OSBPL10: variants seen among roughly 807,000 people sequenced by gnomAD.
OSBPL10 encodes oxysterol binding protein like 10.
OSBPL10 carries 49 observed loss-of-function variants against 81.7 expected under a neutral mutation model. The observed-to-expected ratio is 0.60, with a 90% CI of 0.48 to 0.76. OSBPL10 has a LOEUF of 0.76. Among genes scored for constraint, OSBPL10 ranks in the 30% least tolerant of loss-of-function variants. The probability of loss-of-function intolerance (pLI) is 0.00; values close to 1 mark genes in which losing one functional copy is unlikely to be tolerated. For synonymous variants in OSBPL10, 419 were observed against 383.6 expected (o/e 1.09, Z -1.08); for missense variants, 923 against 987.8 (o/e 0.93, Z 0.88).
chr3:31,720,931 T>C (rs943189790), intron 6 of OSBPL10, among the ~76,000 whole-genome samples: 1 of 147,584 alleles, frequency 6.8e-6, no homozygotes, highest in Non-Finnish European at 1.5e-5. Context: ...AGTCCTGATA[T>C]GTTAGGTTAC....
chr3:31,897,106 CAGA>C (rs777592388), intron 1 of OSBPL10, among the ~76,000 whole-genome samples: 323 of 152,270 alleles, frequency 2.1e-3, no homozygotes, highest in Middle Eastern at 0.017. Flanking sequence ...ATGACTTAGA[CAGA>C]AGAAGCAGAC....
intron 3 of OSBPL10, among the ~76,000 whole-genome samples, chr3:31,836,385 T>C (rs1700357952): frequency 6.6e-6 from 1 of 152,234 alleles, no homozygotes. Context: ...CCTGAATCTA[T>C]GAGTATGCAC....
intron 1 of OSBPL10, among the ~76,000 whole-genome samples, chr3:31,906,059 C>G (rs1696402443): frequency 2.0e-5 from 3 of 152,152 alleles, no homozygotes; most frequent in African/African-American, 7.2e-5. Flanking sequence ...ATTCCACAAA[C>G]AACACCATAG....
At chr3:31,849,895 C>T (rs536963484) in intron 3 of OSBPL10, among the ~76,000 whole-genome samples, 4 of 151,846 alleles carry the variant, frequency 2.6e-5, no homozygotes, top group South Asian at 2.1e-4. Flanking sequence ...CCAGGCATGC[C>T]GGCTCACACC....
chr3:31,867,202 G>A (rs781671943), intron 3 of OSBPL10, among the ~76,000 whole-genome samples: 4 of 152,154 alleles, frequency 2.6e-5, no homozygotes, highest in Non-Finnish European at 5.9e-5. Flanking sequence ...GAGGAGATGG[G>A]AAACCAGGTC....
intron 1 of OSBPL10, among the ~76,000 whole-genome samples, chr3:32,047,092 C>T (rs1159506157): frequency 1.3e-5 from 2 of 152,110 alleles, no homozygotes; most frequent in African/African-American, 4.8e-5. Flanking sequence ...GTCTGCTAAT[C>T]TCTGCCTCCC....
chr3:31,769,272 G>A lies in OSBPL10; in HGVS notation c.730-21152C>T, dbSNP rs956009673. On this transcript the variant is annotated intron_variant, in intron 4 of 11. Transcript: ENST00000396556. The stretch of plus-strand genomic sequence containing the variant: ...AGCCTGACCAACATGGAGAAACCCC[G>A]TCTCTACTAAAAAACACAAAAAATT... 2.8e-4 allele frequency among the ~76,000 whole-genome samples: 43 copies of A among 151,126 alleles called. 1 individual carries two copies. The highest frequency in any genetic ancestry group is 4.6e-4 in the African/African-American group (19 of 41,228).
chr3:31,815,581 C>G (rs73059432), intron 4 of OSBPL10, among the ~76,000 whole-genome samples: 2,690 of 152,212 alleles, frequency 0.018, 37 homozygotes, highest in Non-Finnish European at 0.031. Context: ...AATGCCCAAG[C>G]ATCTAATGGG....
At chr3:31,741,772 G>A (rs1193842012) in intron 5 of OSBPL10, among the ~76,000 whole-genome samples, 1 of 152,084 alleles carries the variant, frequency 6.6e-6, no homozygotes, top group East Asian at 1.9e-4. Context: ...CACATGTTGT[G>A]GGAGAGACCC....
At chr3:31,892,163 AGAG>A (rs898513257) in intron 1 of OSBPL10, among the ~76,000 whole-genome samples, 1 of 151,872 alleles carries the variant, frequency 6.6e-6, no homozygotes, top group African/African-American at 2.4e-5. Context: ...GGGGAAGAGG[AGAG>A]GAGAGAGTTC....
intron 2 of OSBPL10, among the ~76,000 whole-genome samples, chr3:32,009,029 C>G (rs1427430779): frequency 1.3e-5 from 2 of 152,166 alleles, no homozygotes; most frequent in South Asian, 2.1e-4. Flanking sequence ...ATAATTTACT[C>G]TTTGTACTTT....
chr3:31,761,506 A>C (rs1698040162), intron 4 of OSBPL10, among the ~76,000 whole-genome samples: 1 of 150,052 alleles, frequency 6.7e-6, no homozygotes, highest in Non-Finnish European at 1.5e-5. Context: ...ATATCCAGTA[A>C]AGAAAATTTA....
chr3:31,849,846 T>C (rs1287551178), intron 3 of OSBPL10, among the ~76,000 whole-genome samples: 3 of 152,100 alleles, frequency 2.0e-5, no homozygotes, highest in Non-Finnish European at 4.4e-5. Flanking sequence ...GAGACCAGCC[T>C]GGGCAACATA....
At chr3:31,808,305 A>G (rs1699572409) in intron 4 of OSBPL10, among the ~76,000 whole-genome samples, 2 of 152,298 alleles carry the variant, frequency 1.3e-5, no homozygotes, top group African/African-American at 4.8e-5. Context: ...CAAGGCAAGG[A>G]GAGGTGATGG....
At chr3:31,800,350 T>C (rs1049744039) in intron 4 of OSBPL10, among the ~76,000 whole-genome samples, 6 of 152,166 alleles carry the variant, frequency 3.9e-5, no homozygotes, top group Non-Finnish European at 7.3e-5. Flanking sequence ...CAAACAGAAC[T>C]GAAAACCATC....
chr3:31,808,114 G>A (rs1470362197), intron 4 of OSBPL10, among the ~76,000 whole-genome samples: 1 of 152,138 alleles, frequency 6.6e-6, no homozygotes, highest in Admixed American at 6.5e-5. Flanking sequence ...CAGTTACCTG[G>A]AATCAGGTAC....
chr3:31,712,190 A>G (rs932927174), intron 6 of OSBPL10, among the ~76,000 whole-genome samples: 4 of 152,132 alleles, frequency 2.6e-5, no homozygotes, highest in Admixed American at 6.5e-5. Flanking sequence ...AGCTTTCAAT[A>G]ATTTCTAAAT....
chr3:31,833,705 G>GCACACGCGCA (rs1553631715), intron 3 of OSBPL10, among the ~76,000 whole-genome samples: 1 of 137,962 alleles, frequency 7.2e-6, no homozygotes, highest in Admixed American at 7.6e-5. Flanking sequence ...ACACGCACAC[G>GCACACGCGCA]CACACACACA....
intron 2 of OSBPL10, among the ~76,000 whole-genome samples, chr3:32,020,574 C>A (rs909640768): frequency 6.6e-6 from 1 of 152,088 alleles, no homozygotes; most frequent in Non-Finnish European, 1.5e-5. Context: ...TTCCAGTTTT[C>A]AAATAATGCT....
Sources: allele counts gnomAD v4.1 joint callset (sites outside exome capture counted in the v4.1 genomes callset), GRCh38; gene constraint gnomAD v4.1.1; transcripts MANE v1.5; gene names NCBI Gene and HGNC (gene_info 2026-07-23, HGNC 2026-07-21).